The following NSUN4 variants were observed in gnomAD, a reference collection of about 807,000 sequenced individuals.
NSUN4 encodes NOP2/Sun RNA methyltransferase 4.
Under a neutral mutation model 43.8 loss-of-function variants are expected in NSUN4, and 31 were observed. The observed-to-expected ratio is 0.71, with a 90% CI of 0.53 to 0.96. The LOEUF (loss-of-function observed/expected upper bound fraction) is 0.96, where lower values mean the gene tolerates loss of function less well. Ranked by LOEUF, NSUN4 falls within the 40% of genes least tolerant of loss-of-function variation. The pLI is 0.00. For missense variants in NSUN4, 439 were observed against 475.6 expected, an observed-to-expected ratio of 0.92 and a Z score of 0.72; for synonymous variants, 167 against 184.1, an observed-to-expected ratio of 0.91 and a Z score of 0.75.
At chr1:46,351,324 A>T (rs1662962952) in intron 3 of NSUN4, among the ~76,000 whole-genome samples, 1 of 152,170 alleles carries the variant, frequency 6.6e-6, no homozygotes, top group Non-Finnish European at 1.5e-5. Flanking sequence ...AGATCGCGCC[A>T]TTGCACTCTA....
chr1:46,359,537 C>T (rs1663652418), intron 4 of NSUN4, among the ~76,000 whole-genome samples: 1 of 149,056 alleles, frequency 6.7e-6, no homozygotes, highest in Non-Finnish European at 1.5e-5. Flanking sequence ...AGCGCTGCCA[C>T]CACGCCCGGC....
the NSUN4 span, among the ~76,000 whole-genome samples, chr1:46,381,630 G>A: frequency 2.6e-5 from 4 of 152,188 alleles, no homozygotes; most frequent in African/African-American, 9.7e-5. Flanking sequence ...CCTCAGGAAT[G>A]ACCAGTGTTT....
At chr1:46,382,671 A>G in the NSUN4 span, among the ~76,000 whole-genome samples, 33,676 of 150,270 alleles carry the variant, frequency 0.22, 4,215 homozygotes, top group Non-Finnish European at 0.29. Context: ...GCATGATCTC[A>G]GCTCACTGCA....
At chr1:46,352,798 C>T in intron 3 of NSUN4, 70 bp from the exon 4 acceptor site, 2 of 1,479,856 alleles carry the variant, frequency 1.4e-6, no homozygotes, top group South Asian at 2.4e-5. Context: ...ATTGGTCTGA[C>T]TCCATCAGCG....
At chr1:46,352,277 T>C (rs56737734) in intron 3 of NSUN4, among the ~76,000 whole-genome samples, 60,107 of 150,828 alleles carry the variant, frequency 0.4, 12,175 homozygotes, top group African/African-American at 0.47. Context: ...CATGGTGAAA[T>C]GCTGTCTCTA....
downstream of NSUN4, among the ~76,000 whole-genome samples, chr1:46,367,763 CTTTTTTTTTTTTTTTTT>C: frequency 8.0e-6 from 1 of 124,624 alleles, no homozygotes; most frequent in East Asian, 2.5e-4. Context: ...TCTGAAATTT[CTTTTTTTTTTTTTTTTT>C]TTTTTAAGAC....
chr1:46,358,432 T>C (rs1663555590), intron 4 of NSUN4, among the ~76,000 whole-genome samples: 1 of 119,366 alleles, frequency 8.4e-6, no homozygotes, highest in South Asian at 2.9e-4. Flanking sequence ...AGATGGAGTC[T>C]CACTCTGTTG....
the NSUN4 span, among the ~76,000 whole-genome samples, chr1:46,381,961 G>A: frequency 4.6e-5 from 7 of 152,162 alleles, no homozygotes; most frequent in African/African-American, 9.7e-5. Flanking sequence ...ACAGAAACGC[G>A]AGGATTTGGG....
At chr1:46,347,678 C>T (rs558742097) in intron 3 of NSUN4, among the ~76,000 whole-genome samples, 9 of 152,262 alleles carry the variant, frequency 5.9e-5, no homozygotes, top group Admixed American at 3.3e-4. Context: ...AAGCCCATTT[C>T]TTTAGCCTAC....
In NSUN4 at chr1:46,361,550, C is replaced by G; in HGVS notation, c.879-20C>G. 6.2e-7 allele frequency: 1 copy of G among 1,610,068 alleles called. No individual in the cohort carries two copies. The highest frequency in any genetic ancestry group is 8.5e-7 in the Non-Finnish European group (1 of 1,177,460). Reference sequence around the variant, plus strand: ...CTGGGAAGCTCACTAGTAACTGCTTCTGTCTCTTTCTGGTTTCAGGGCTGG... The same window carrying G: ...CTGGGAAGCTCACTAGTAACTGCTTGTGTCTCTTTCTGGTTTCAGGGCTGG... On this transcript the variant is annotated intron_variant, in intron 5 of 5. Transcript: ENST00000474844.
chr1:46,361,987 A>G lies in NSUN4; in HGVS notation c.*141A>G. The G allele has an allele frequency of 2.6e-6, 2 of 754,848 alleles. No individual in the cohort carries two copies. The highest frequency in any genetic ancestry group is 4.2e-6 in the Non-Finnish European group (2 of 473,710). 46.8% of individuals were successfully genotyped at this position (754,848 alleles called of 1,614,324 possible). On this transcript the variant is annotated 3_prime_UTR_variant, in exon 6 of 6. Transcript: ENST00000474844. ...GTGTCTTTCTGCAGTTTTCGGCAAT[A>G]AGAAGTAGAAGATTTGCTGTCCTGC...
At chr1:46,384,313 T>A in the NSUN4 span, among the ~76,000 whole-genome samples, 4 of 152,206 alleles carry the variant, frequency 2.6e-5, no homozygotes, top group Non-Finnish European at 4.4e-5. Flanking sequence ...TTAACATGTC[T>A]TGGCTTAGTT....
intron 4 of NSUN4, among the ~76,000 whole-genome samples, chr1:46,357,456 T>G (rs1663466341): frequency 6.6e-6 from 1 of 152,258 alleles, no homozygotes; most frequent in Non-Finnish European, 1.5e-5. Flanking sequence ...ATGAACATTT[T>G]CCACAGTTAA....
chr1:46,369,670 G>A (rs969513908), downstream of NSUN4, among the ~76,000 whole-genome samples: 2 of 152,144 alleles, frequency 1.3e-5, no homozygotes, highest in African/African-American at 4.8e-5. Context: ...AACAGTTCGT[G>A]TGAATGTGAA....
chr1:46,353,691 C>T (rs1296267174), intron 4 of NSUN4, among the ~76,000 whole-genome samples: 2 of 152,088 alleles, frequency 1.3e-5, no homozygotes, highest in African/African-American at 2.4e-5. Context: ...CTTGGCCAGG[C>T]TGGTCTTGAC....
Position 46,347,003 on chromosome 1 carries a change from G to A in NSUN4, c.520G>A (p.Gly174Arg), listed in dbSNP as rs766494237. The change falls in exon 3 of 6, where the codon GGG becomes AGG. Residue 174 changes from glycine to arginine, a missense_variant. By Grantham distance (125) the Gly-to-Arg change is moderately radical. Transcript: ENST00000474844. ...LPVLALGLQP[G>R]DIVLDLCAAP... ...TGTTCTGGCCCTCGGCCTGCAGCCT[G>A]GGGACATCGTGCTTGACCTATGTGC... The A allele has an allele frequency of 6.2e-7, 1 of 1,614,080 alleles. No homozygotes were observed. Among genetic ancestry groups the A allele is most frequent in the East Asian group, 2.2e-5 (1 of 44,890 alleles).
At chr1:46,346,796 G>T in intron 2 of NSUN4, 125 bp from the exon 3 acceptor site, 1 of 685,686 alleles carries the variant, frequency 1.5e-6, no homozygotes, top group East Asian at 2.5e-5. Flanking sequence ...AAGTAAGTGT[G>T]GGTCTGAAAA....
Position 46,344,924 on chromosome 1 carries a change from T to G in NSUN4, c.217T>G (p.Tyr73Asp). The G allele has an allele frequency of 6.2e-7, 1 of 1,614,164 alleles. No individual in the cohort carries two copies. The highest frequency in any genetic ancestry group is 8.5e-7 in the Non-Finnish European group (1 of 1,179,990). The part of the protein sequence containing the change: ...IRVSLLSEQK[Y>D]GALVNNFAAW... ...TGTCAGTCTCCTCTCAGAGCAGAAG[T>G]ATGGTGCACTGGTCAATAACTTTGC... is the stretch of plus-strand genomic sequence containing the variant. Residue 73 changes from tyrosine to aspartate, a missense_variant, in exon 2 of 6, where the codon TAT (tyrosine) becomes GAT (aspartate). Physicochemically the swap from Tyr to Asp is radical, Grantham distance 160. Coordinates refer to ENST00000474844, the MANE Select transcript of NSUN4 (RefSeq NM_199044.4).
At chr1:46,366,457 A>C (rs990036722), downstream of NSUN4, among the ~76,000 whole-genome samples, 6 of 152,168 alleles carry the variant, frequency 3.9e-5, no homozygotes, top group Non-Finnish European at 8.8e-5. Context: ...AAAAAGTTAT[A>C]CATAAAAATT....
Sources: allele counts gnomAD v4.1 joint callset (sites outside exome capture counted in the v4.1 genomes callset), GRCh38; gene constraint gnomAD v4.1.1; transcripts MANE v1.5; gene names NCBI Gene and HGNC (gene_info 2026-07-23, HGNC 2026-07-21).